The following CNTN6 variants were observed in gnomAD, a reference collection of about 807,000 sequenced individuals.
CNTN6 encodes contactin 6.
Under a neutral mutation model 122.8 loss-of-function variants are expected in CNTN6, and 137 were observed. The ratio of observed to expected loss-of-function variants is 1.12; its 90% CI spans 0.97 to 1.29. The LOEUF (loss-of-function observed/expected upper bound fraction) is 1.29. CNTN6 is among the 50% of genes most tolerant of loss of function. The probability of loss-of-function intolerance (pLI) is 0.00; values close to 1 mark genes in which losing one functional copy is unlikely to be tolerated. For missense variants in CNTN6, 1,634 were observed against 1,223.4 expected, an observed-to-expected ratio of 1.34 and a Z score of -5.01; for synonymous variants, 570 against 426.0, an observed-to-expected ratio of 1.34 and a Z score of -4.16.
chr3:1,329,868 C>A lies in CNTN6; in HGVS notation c.1297C>A (p.Pro433Thr), dbSNP rs993099537. The change falls in exon 11 of 23, where the codon CCA (proline) becomes ACA (threonine). Residue 433 changes from proline (P) to threonine (T), a missense_variant. By Grantham distance (38) the Pro-to-Thr change is conservative. Transcript: ENST00000446702. ...TGGGGATATTGTTATCGGATGCAAA[C>A]CAAATGCTTTTCCCAGGGCAGCTAT... ...VGGDIVIGCKPNAFPRAAISW... is the reference protein window; with the variant it reads ...VGGDIVIGCKTNAFPRAAISW... 4.8e-5 allele frequency: 78 copies of A among 1,610,684 alleles called. No homozygotes were observed. Among genetic ancestry groups the A allele is most frequent in the East Asian group, 8.9e-5 (4 of 44,708 alleles).
intron 4 of CNTN6, among the ~76,000 whole-genome samples, chr3:1,236,947 G>C (rs184423090): frequency 2.6e-5 from 4 of 152,126 alleles, no homozygotes; most frequent in East Asian, 1.9e-4. Flanking sequence ...CAAGCGTGGT[G>C]GTGGGCGCCT....
intron 16 of CNTN6, 143 bp from the exon 17 acceptor site, chr3:1,376,862 T>C (rs1709938610): frequency 1.8e-6 from 1 of 556,954 alleles, no homozygotes; most frequent in African/African-American, 1.9e-5. Flanking sequence ...TGTGTAAACA[T>C]AATTTACGTT....
intron 5 of CNTN6, among the ~76,000 whole-genome samples, chr3:1,279,117 T>C (rs761039581): frequency 6.6e-6 from 1 of 152,328 alleles, no homozygotes; most frequent in African/African-American, 2.4e-5. Flanking sequence ...AAATTCTGTA[T>C]AGCACCAAAT....
chr3:1,253,880 T>G lies in CNTN6; in HGVS notation c.359-24533T>G, dbSNP rs762486001. ...CTGCTGATCTAAGGAATAATCTCAGTCTTTGTCTCTCTTTATCCAAAACAA... is the reference window on the plus strand; with the variant it reads ...CTGCTGATCTAAGGAATAATCTCAGGCTTTGTCTCTCTTTATCCAAAACAA... On this transcript the variant is annotated intron_variant, in intron 4 of 22. Coordinates refer to ENST00000446702, the MANE Select transcript of CNTN6 (RefSeq NM_001289080.2). Among the ~76,000 whole-genome samples the G allele has an allele frequency of 4.5e-4, 68 of 152,152 alleles. 1 individual carries two copies. Among genetic ancestry groups the G allele is most frequent in the Non-Finnish European group, 1.2e-4 (8 of 68,030 alleles).
chr3:1,237,104 C>CA (rs1559570910), intron 4 of CNTN6, among the ~76,000 whole-genome samples: 1 of 151,130 alleles, frequency 6.6e-6, no homozygotes, highest in African/African-American at 2.4e-5. Flanking sequence ...AAGAAGCCAC[C>CA]AAAAAAAGGT....
intron 12 of CNTN6, among the ~76,000 whole-genome samples, chr3:1,356,138 G>A (rs138338672): frequency 9.8e-4 from 149 of 151,820 alleles, no homozygotes; most frequent in African/African-American, 3.4e-3. Flanking sequence ...TACACTAAGA[G>A]GTATATGAAA....
intron 1 of CNTN6, among the ~76,000 whole-genome samples, chr3:1,110,709 G>A (rs1370921510): frequency 6.6e-6 from 1 of 152,052 alleles, no homozygotes; most frequent in African/African-American, 2.4e-5. Context: ...TGAGGAGCAG[G>A]TTTGACAATG....
intron 17 of CNTN6, among the ~76,000 whole-genome samples, chr3:1,382,303 T>C (rs1410873579): frequency 6.6e-6 from 1 of 152,212 alleles, no homozygotes; most frequent in African/African-American, 2.4e-5. Flanking sequence ...ATTTCTATTT[T>C]GCTATTTTAG....
chr3:1,363,031 C>T (rs1707702423), intron 12 of CNTN6, among the ~76,000 whole-genome samples: 1 of 151,656 alleles, frequency 6.6e-6, no homozygotes. Context: ...TTAAAAATCC[C>T]CCCAAATAAA....
chr3:1,364,065 C>CT (rs1365838291), intron 12 of CNTN6, among the ~76,000 whole-genome samples: 1 of 151,778 alleles, frequency 6.6e-6, no homozygotes, highest in Non-Finnish European at 1.5e-5. Flanking sequence ...CTTTGGAAAA[C>CT]TGTCTATTTA....
chr3:1,231,446 C>T (rs1045612847), intron 4 of CNTN6, among the ~76,000 whole-genome samples: 4 of 152,182 alleles, frequency 2.6e-5, no homozygotes, highest in Non-Finnish European at 4.4e-5. Context: ...CAGGGACATA[C>T]CTCTAGATAA....
At chr3:1,169,514 A>T (rs1425959980) in intron 2 of CNTN6, among the ~76,000 whole-genome samples, 1 of 152,252 alleles carries the variant, frequency 6.6e-6, no homozygotes, top group African/African-American at 2.4e-5. Context: ...TTTCTTCAGC[A>T]TAAACCGTAT....
intron 2 of CNTN6, among the ~76,000 whole-genome samples, chr3:1,158,165 C>A (rs1263614589): frequency 6.6e-6 from 1 of 152,128 alleles, no homozygotes; most frequent in East Asian, 1.9e-4. Flanking sequence ...TATGATGGTT[C>A]CCTTTACTTC....
At chr3:1,378,696 G>C (rs1465925853) in intron 17 of CNTN6, among the ~76,000 whole-genome samples, 1 of 152,052 alleles carries the variant, frequency 6.6e-6, no homozygotes, top group African/African-American at 2.4e-5. Context: ...AATGCTATAA[G>C]GTGGTTATAC....
chr3:1,354,740 T>C (rs2126083687), intron 12 of CNTN6, among the ~76,000 whole-genome samples: 1 of 151,684 alleles, frequency 6.6e-6, no homozygotes, highest in Admixed American at 6.6e-5. Context: ...TTTTTCATAC[T>C]GGCTTCCTTG....
chr3:1,236,394 A>T (rs1478750649), intron 4 of CNTN6, among the ~76,000 whole-genome samples: 4 of 152,112 alleles, frequency 2.6e-5, no homozygotes, highest in Non-Finnish European at 5.9e-5. Context: ...AGACCTAAAG[A>T]TGGATCACAT....
At chr3:1,121,225 C>CT (rs1435429334) in intron 1 of CNTN6, among the ~76,000 whole-genome samples, 4 of 126,652 alleles carry the variant, frequency 3.2e-5, no homozygotes, top group African/African-American at 1.1e-4. Flanking sequence ...CTGAGCTACT[C>CT]TATTGGAACA....
At position 1,384,784 on chromosome 3, in the gene CNTN6, T is replaced by TATACACACACACACAC. The variant is rs1559990314; in HGVS notation, c.2518-824_2518-823insCACACACACACACATA. ...ACATATATATACACATATATATATA[T>TATACACACACACACAC]ATATATATATATACACACACACACA... On this transcript the variant is annotated intron_variant, in intron 19 of 22. Coordinates refer to ENST00000446702, the MANE Select transcript of CNTN6 (RefSeq NM_001289080.2). Among the ~76,000 whole-genome samples, 92 of 133,608 alleles carry TATACACACACACACAC rather than the reference T, an allele frequency of 6.9e-4. 1 individual carries two copies. The highest frequency in any genetic ancestry group is 2.4e-3 in the African/African-American group (90 of 37,150). The allele number at this position is 133,608 out of a possible 152,430, so 87.7% of individuals were successfully genotyped here. A position where few individuals can be genotyped will look rare whatever the true frequency, so the allele number is the denominator to read the frequency against.
chr3:1,242,738 A>T (rs970686850), intron 4 of CNTN6, among the ~76,000 whole-genome samples: 2 of 152,136 alleles, frequency 1.3e-5, no homozygotes, highest in African/African-American at 4.8e-5. Flanking sequence ...TAATCCAGGA[A>T]TAGTCAGGGA....
Sources: allele counts gnomAD v4.1 joint callset (sites outside exome capture counted in the v4.1 genomes callset), GRCh38; gene constraint gnomAD v4.1.1; transcripts MANE v1.5; gene names NCBI Gene and HGNC (gene_info 2026-07-23, HGNC 2026-07-21).